Variants in MAP2K5 observed in about 807,000 individuals in gnomAD.
MAP2K5 encodes dual specificity mitogen-activated protein kinase kinase 5.
Under a neutral mutation model 83.1 loss-of-function variants are expected in MAP2K5, and 49 were observed. The observed-to-expected ratio is 0.59, with a 90% CI of 0.47 to 0.75. The LOEUF (loss-of-function observed/expected upper bound fraction) is 0.75. MAP2K5 is among the 30% of genes least tolerant of loss of function. The pLI, the probability that MAP2K5 is intolerant of heterozygous loss-of-function variation, is 0.00. For synonymous variants in MAP2K5, 202 were observed against 191.8 expected (o/e 1.05, Z -0.44); for missense variants, 457 against 557.5 (o/e 0.82, Z 1.82).
intron 15 of MAP2K5, among the ~76,000 whole-genome samples, chr15:67,696,553 T>C (rs1229798232): frequency 2.0e-5 from 3 of 152,346 alleles, no homozygotes; most frequent in East Asian, 3.9e-4. Flanking sequence ...GAGCATCTTC[T>C]ATGCTGTTAG....
chr15:67,752,658 A>G (rs2089746508), intron 19 of MAP2K5, among the ~76,000 whole-genome samples: 2 of 151,340 alleles, frequency 1.3e-5, no homozygotes, highest in South Asian at 4.2e-4. Context: ...AGCCTGGGTG[A>G]CAGAGCAAGA....
At chr15:67,756,822 TATTC>T (rs1390071135) in intron 19 of MAP2K5, among the ~76,000 whole-genome samples, 6 of 152,196 alleles carry the variant, frequency 3.9e-5, no homozygotes, top group African/African-American at 1.4e-4. Context: ...TCACTTAGCA[TATTC>T]ATCTGTCTGA....
rs761545847 is a variant in MAP2K5 at position 67,786,478 on chromosome 15, A to T, written c.1242+13726A>T. ...GCCATGATGGGTTCAGAAAGAATAT[A>T]AGAAAGACCTATGTCTCAGGAGCAG... On this transcript the variant is annotated intron_variant, in intron 21 of 21. Transcript: ENST00000178640. This position sits in a 1 kb window ranked among gnomAD's most constrained non-coding sequence, Gnocchi z 4.7. Among the ~76,000 whole-genome samples, 7 of 150,474 alleles carry T rather than the reference A, an allele frequency of 4.7e-5. No individual in the cohort carries two copies. The highest frequency in any genetic ancestry group is 4.8e-5 in the African/African-American group (2 of 41,296).
intron 19 of MAP2K5, among the ~76,000 whole-genome samples, chr15:67,767,764 T>G (rs757258744): frequency 5.9e-5 from 9 of 152,206 alleles, no homozygotes; most frequent in Non-Finnish European, 1.3e-4. Context: ...ATTTTGTGTC[T>G]TGTTTCTTTT....
In MAP2K5 at chr15:67,748,484, T is replaced by C. The variant is rs1271485927; in HGVS notation, c.1102-85T>C. 4 of 1,135,154 alleles carry C rather than the reference T, an allele frequency of 3.5e-6. No homozygotes were observed. In the African/African-American group the frequency reaches 6.2e-5, roughly 18 times the overall value. 70.3% of individuals were successfully genotyped at this position (1,135,154 alleles called of 1,614,324 possible). ...GTTGATTAATCTTGCTATATTTTAT[T>C]GCATTAATGATTTTTTCTTTCCACT... On this transcript the variant is annotated intron_variant, in intron 18 of 21. Transcript: ENST00000178640. This position sits in a 1 kb window ranked among gnomAD's most constrained non-coding sequence, Gnocchi z 4.0.
In MAP2K5 at chr15:67,690,935, T is replaced by G. The variant is rs1354282373; in HGVS notation, c.848-1544T>G. Among the ~76,000 whole-genome samples the G allele has an allele frequency of 6.6e-6, 1 of 152,200 alleles. No individual in the cohort carries two copies. Among genetic ancestry groups the G allele is most frequent in the African/African-American group, 2.4e-5 (1 of 41,450 alleles). ...TTTAAAGATGTTTTAAGTATGCTCC[T>G]ACCCTGTGAACTTATTTATTTCTTG... On this transcript the variant is annotated intron_variant, in intron 13 of 21. Transcript: ENST00000178640. The surrounding 1 kb of genome is among the most constrained non-coding windows in gnomAD (Gnocchi z 4.3).
At chr15:67,753,947 A>G (rs958536246) in intron 19 of MAP2K5, among the ~76,000 whole-genome samples, 3 of 152,272 alleles carry the variant, frequency 2.0e-5, no homozygotes, top group Non-Finnish European at 4.4e-5. Flanking sequence ...AAACGTAGAA[A>G]GAATCCAGAA....
chr15:67,695,224 C>T (rs2088221059), intron 15 of MAP2K5, among the ~76,000 whole-genome samples: 1 of 151,582 alleles, frequency 6.6e-6, no homozygotes, highest in Non-Finnish European at 1.5e-5. Flanking sequence ...CTAACCTGTA[C>T]ATTGTGCACA....
At chr15:67,550,637 C>T (rs1390521258) in intron 2 of MAP2K5, among the ~76,000 whole-genome samples, 2 of 151,538 alleles carry the variant, frequency 1.3e-5, no homozygotes, top group Non-Finnish European at 2.9e-5. Flanking sequence ...CAGGTCATTG[C>T]AGAGGACATC....
At chr15:67,734,951 ATGTT>A (rs1566946356) in intron 17 of MAP2K5, among the ~76,000 whole-genome samples, 1 of 152,192 alleles carries the variant, frequency 6.6e-6, no homozygotes, top group Non-Finnish European at 1.5e-5. Context: ...TCTAGCCTAT[ATGTT>A]TTAATTCATT....
At chr15:67,576,936 T>A (rs1284856352) in intron 3 of MAP2K5, among the ~76,000 whole-genome samples, 2,399 of 142,672 alleles carry the variant, frequency 0.017, 204 homozygotes, top group African/African-American at 0.035. Context: ...ATATTTTTTT[T>A]TTTTTTTTTT....
At chr15:67,797,752 G>A (rs576112886) in intron 21 of MAP2K5, among the ~76,000 whole-genome samples, 14 of 151,834 alleles carry the variant, frequency 9.2e-5, no homozygotes, top group African/African-American at 1.5e-4. Flanking sequence ...GCGTGATCTC[G>A]GCTCACTGCA....
At chr15:67,586,772 G>T in intron 5 of MAP2K5, 74 bp from the exon 6 acceptor site, 1 of 1,374,158 alleles carries the variant, frequency 7.3e-7, no homozygotes, top group Admixed American at 1.7e-5. Flanking sequence ...TGAGAAATTT[G>T]TGGCAAATTA....
At position 67,562,851 on chromosome 15, in the gene MAP2K5, T is replaced by C. The variant is rs1186353331; in HGVS notation, c.185-432T>C. Among the ~76,000 whole-genome samples the C allele has an allele frequency of 6.6e-6, 1 of 152,186 alleles. No individual in the cohort carries two copies. The highest frequency in any genetic ancestry group is 1.5e-5 in the Non-Finnish European group (1 of 68,040). On this transcript the variant is annotated intron_variant, in intron 2 of 21. Transcript: ENST00000178640. The surrounding 1 kb of genome is among the most constrained non-coding windows in gnomAD (Gnocchi z 4.1). ...TGTAGTGTTCAGTAAGTGTTAGCCA[T>C]TTTTATCATGCTGTTGTGAGATGAT...
intron 16 of MAP2K5, among the ~76,000 whole-genome samples, chr15:67,718,906 C>T (rs766690250): frequency 6.6e-6 from 1 of 152,116 alleles, no homozygotes; most frequent in Non-Finnish European, 1.5e-5. Context: ...CTTTTTGTTA[C>T]AAACATTCCA....
intron 19 of MAP2K5, among the ~76,000 whole-genome samples, chr15:67,765,833 A>C (rs182547962): frequency 2.0e-5 from 3 of 152,296 alleles, no homozygotes. Flanking sequence ...CTAATAACAA[A>C]ATACCCAGAG....
intron 12 of MAP2K5, among the ~76,000 whole-genome samples, chr15:67,660,623 G>A (rs1322991672): frequency 6.6e-6 from 1 of 152,232 alleles, no homozygotes; most frequent in Non-Finnish European, 1.5e-5. Context: ...GGAAATAGGT[G>A]TATATTGAAT....
intron 12 of MAP2K5, among the ~76,000 whole-genome samples, chr15:67,660,251 G>A (rs1230467302): frequency 1.3e-5 from 2 of 151,950 alleles, no homozygotes; most frequent in African/African-American, 4.8e-5. Context: ...TTCTGCAGGA[G>A]CCTGGGTTTG....
chr15:67,785,015 G>A lies in MAP2K5; in HGVS notation c.1242+12263G>A, dbSNP rs1460736655. 6.6e-6 allele frequency among the ~76,000 whole-genome samples: 1 copy of A among 152,190 alleles called. No homozygotes were observed. The highest frequency in any genetic ancestry group is 1.5e-5 in the Non-Finnish European group (1 of 68,032). On this transcript the variant is annotated intron_variant, in intron 21 of 21. Coordinates refer to ENST00000178640, the MANE Select transcript of MAP2K5 (RefSeq NM_145160.3). The surrounding 1 kb of genome is among the most constrained non-coding windows in gnomAD (Gnocchi z 4.4). ...AGTGCAGTGACACGATCTTGGCTCA[G>A]TGCAGCCTCAATCTCCCAGGCTCAG... is the stretch of plus-strand genomic sequence containing the variant.
Sources: allele counts gnomAD v4.1 joint callset (sites outside exome capture counted in the v4.1 genomes callset), GRCh38; gene constraint gnomAD v4.1.1; non-coding constraint Gnocchi (gnomAD v3.1); transcripts MANE v1.5; gene names NCBI Gene and HGNC (gene_info 2026-07-23, HGNC 2026-07-21).